The following CALN1 variants were observed in gnomAD, a reference collection of about 807,000 sequenced individuals.
The protein encoded by CALN1 is calneuron 1.
A neutral mutation model predicts 30.6 loss-of-function variants in CALN1; 17 were observed. That is an observed-to-expected ratio of 0.56 (90% CI 0.38 to 0.83). CALN1 has a LOEUF of 0.83. Among genes scored for constraint, CALN1 ranks in the 40% least tolerant of loss-of-function variants. CALN1 has a pLI of 0.00. For missense variants in CALN1, 291 were observed against 354.9 expected (o/e 0.82, Z 1.45); for synonymous variants, 156 against 131.4 (o/e 1.19, Z -1.28).
intron 3 of CALN1, among the ~76,000 whole-genome samples, chr7:72,192,419 CG>C (rs1790672342): frequency 6.6e-6 from 1 of 152,022 alleles, no homozygotes; most frequent in African/African-American, 2.4e-5. Flanking sequence ...GTGGATGGGG[CG>C]GGCATTGTTC....
chr7:72,283,899 G>C (rs1324181096), intron 2 of CALN1, among the ~76,000 whole-genome samples: 1 of 152,186 alleles, frequency 6.6e-6, no homozygotes, highest in Non-Finnish European at 1.5e-5. Flanking sequence ...GAGGCTGGCT[G>C]AATTGTCATA....
the CALN1 span, among the ~76,000 whole-genome samples, chr7:72,488,325 T>G: frequency 6.6e-6 from 1 of 151,886 alleles, no homozygotes; most frequent in Non-Finnish European, 1.5e-5. Context: ...GAGCCATGAC[T>G]GCACCACTGC....
intron 4 of CALN1, among the ~76,000 whole-genome samples, chr7:72,034,372 A>G (rs1334828680): frequency 1.4e-5 from 2 of 141,306 alleles, no homozygotes; most frequent in Non-Finnish European, 3.1e-5. Flanking sequence ...AAAAAAAAAG[A>G]AAAGAAAAGA....
chr7:71,994,511 CAAAAAAAAAAA>C (rs367725464), intron 5 of CALN1, among the ~76,000 whole-genome samples: 1 of 44,056 alleles, frequency 2.3e-5, no homozygotes, highest in Non-Finnish European at 4.8e-5. Flanking sequence ...GACTTCATCT[CAAAAAAAAAAA>C]AAAAAAAAAA....
At chr7:72,276,048 G>T (rs1451537776) in intron 3 of CALN1, among the ~76,000 whole-genome samples, 3 of 152,156 alleles carry the variant, frequency 2.0e-5, no homozygotes, top group Non-Finnish European at 4.4e-5. Context: ...GAAGGAGGAA[G>T]GGGGGAGAAT....
At chr7:72,489,355 G>A in the CALN1 span, among the ~76,000 whole-genome samples, 3 of 152,174 alleles carry the variant, frequency 2.0e-5, no homozygotes, top group Admixed American at 6.5e-5. Flanking sequence ...AATATTCTTA[G>A]CAGAAGTAAG....
At position 72,278,696 on chromosome 7, in the gene CALN1, C is replaced by T; in HGVS notation, c.234G>A (p.Glu78=). Residue 78 remains glutamate, a synonymous_variant, in exon 3 of 7, where the codon GAG becomes GAA. Transcript: ENST00000395275. The part of the protein sequence containing the change: ...DSEQLANISV[E]ELDEIREAFR... Reference sequence around the variant, plus strand: ...GGGTAGGCTCCTTACCATCGAGCTCCTCCACGGAGATATTAGCCAGCTGTT... The same window carrying T: ...GGGTAGGCTCCTTACCATCGAGCTCTTCCACGGAGATATTAGCCAGCTGTT... 2 of 1,613,516 alleles carry T rather than the reference C, an allele frequency of 1.2e-6. No homozygotes were observed. The highest frequency in any genetic ancestry group is 1.3e-5 in the African/African-American group (1 of 75,048).
At chr7:72,215,948 G>A (rs2129548548) in intron 3 of CALN1, among the ~76,000 whole-genome samples, 1 of 152,212 alleles carries the variant, frequency 6.6e-6, no homozygotes, top group African/African-American at 2.4e-5. Context: ...TCGGACCAAG[G>A]CTTTGTCAGA....
At chr7:71,907,096 T>C (rs564614292) in intron 5 of CALN1, among the ~76,000 whole-genome samples, 1 of 152,332 alleles carries the variant, frequency 6.6e-6, no homozygotes, top group South Asian at 2.1e-4. Context: ...ATTCTCTGCA[T>C]GTGGTTTGTG....
chr7:71,925,141 T>C (rs965283711), intron 5 of CALN1, among the ~76,000 whole-genome samples: 9 of 151,924 alleles, frequency 5.9e-5, no homozygotes, highest in Non-Finnish European at 1.5e-5. Flanking sequence ...CTCGGGAAGC[T>C]GAAGCAGGAG....
intron 3 of CALN1, among the ~76,000 whole-genome samples, chr7:72,248,016 A>C (rs1030291738): frequency 1.4e-4 from 22 of 152,276 alleles, no homozygotes; most frequent in Middle Eastern, 3.4e-3. Flanking sequence ...ACAAAGAAAA[A>C]CACAAATGTA....
chr7:72,293,985 C>G (rs960635872), intron 2 of CALN1, among the ~76,000 whole-genome samples: 1 of 152,122 alleles, frequency 6.6e-6, no homozygotes, highest in African/African-American at 2.4e-5. Flanking sequence ...GTAATCCCAG[C>G]TACTCGGGAG....
At chr7:72,197,115 T>C (rs1791071604) in intron 3 of CALN1, among the ~76,000 whole-genome samples, 1 of 152,086 alleles carries the variant, frequency 6.6e-6, no homozygotes. Flanking sequence ...TTCTTATTGC[T>C]TAATTTGTTT....
rs1354447682 is a variant in CALN1, at chr7:72,251,369, G to A, written c.244+27317C>T. On this transcript the variant is annotated intron_variant, in intron 3 of 6. Transcript: ENST00000395275. ...TCCTCTGTCTGAGCAGTTACACCGG[G>A]ACATTCTTTCTCTTTCCTCTGAACT... 5.3e-5 allele frequency among the ~76,000 whole-genome samples: 8 copies of A among 151,962 alleles called. No individual in the cohort carries two copies. In the East Asian group the frequency reaches 1.5e-3, roughly 29 times the overall value.
Position 72,361,221 on chromosome 7 carries a change from G to A in CALN1, c.119+42030C>T, listed in dbSNP as rs183675797. ...CCAACTCTCCAGCCCCACGCCTGGA[G>A]ACGCCCTGGATTTCCCCAGATCCAA... On this transcript the variant is annotated intron_variant, in intron 2 of 6. Coordinates refer to ENST00000395275, the MANE Select transcript of CALN1 (RefSeq NM_031468.4). 2.1e-3 allele frequency among the ~76,000 whole-genome samples: 322 copies of A among 152,274 alleles called. 2 individuals carry two copies. The highest frequency in any genetic ancestry group is 3.4e-3 in the Non-Finnish European group (229 of 68,030).
At chr7:72,346,912 G>A (rs919167832) in intron 2 of CALN1, among the ~76,000 whole-genome samples, 3 of 152,164 alleles carry the variant, frequency 2.0e-5, no homozygotes, top group African/African-American at 7.2e-5. Context: ...AAGCAAATTG[G>A]ACACAGTAGA....
chr7:72,228,965 C>T (rs560892514), intron 3 of CALN1, among the ~76,000 whole-genome samples: 14 of 145,130 alleles, frequency 9.6e-5, no homozygotes, highest in Non-Finnish European at 1.2e-4. Flanking sequence ...TGGTGGGGGG[C>T]GGGGATCTCA....
chr7:72,314,852 CAAAA>C (rs1249755049), intron 2 of CALN1, among the ~76,000 whole-genome samples: 1 of 125,240 alleles, frequency 8.0e-6, no homozygotes, highest in Admixed American at 7.9e-5. Flanking sequence ...AAAAAAAAAA[CAAAA>C]AAAACTATAG....
intron 4 of CALN1, among the ~76,000 whole-genome samples, chr7:72,090,092 G>A (rs1006026692): frequency 3.9e-5 from 6 of 152,204 alleles, no homozygotes; most frequent in Non-Finnish European, 5.9e-5. Flanking sequence ...GAGGTCAGGA[G>A]TTCGAGACTA....
Sources: gnomAD v4.1 joint callset for allele counts (sites outside exome capture counted in the v4.1 genomes callset) on GRCh38, gnomAD v4.1.1 for gene constraint, MANE v1.5 for transcripts, NCBI Gene and HGNC (gene_info 2026-07-23, HGNC 2026-07-21) for gene names.